The following TLN2 variants were observed in gnomAD, a reference collection of about 807,000 sequenced individuals.
TLN2 encodes talin-2.
TLN2 carries 118 observed loss-of-function variants against 294.7 expected under a neutral mutation model. The ratio of observed to expected loss-of-function variants is 0.40; its 90% confidence interval spans 0.34 to 0.47. The LOEUF is 0.47. TLN2 is among the 20% of genes least tolerant of loss of function. The pLI is 0.84. For synonymous variants in TLN2, 1,431 were observed against 1,304.5 expected (o/e 1.10, Z -2.09); for missense variants, 3,083 against 3,282.2 (o/e 0.94, Z 1.48).
chr15:62,797,672 G>A (rs185711261), intron 48 of TLN2, among the ~76,000 whole-genome samples: 33 of 152,320 alleles, frequency 2.2e-4, no homozygotes, highest in African/African-American at 7.5e-4. Flanking sequence ...GCTGGAGCAC[G>A]GCATACCTGA....
rs572810569 is a variant in TLN2, at chr15:62,467,109, A to G, written c.-238+76424A>G. Among the ~76,000 whole-genome samples the G allele has an allele frequency of 2.6e-4, 40 of 152,330 alleles. 1 individual carries two copies. The South Asian group carries it at 7.3e-3, about 28-fold the overall frequency. ...TGACCATTGCCTTATGAGTTACGGA[A>G]TGGCTGTGGGTGCCTGTGAACTGGA... On this transcript the variant is annotated intron_variant, in intron 1 of 58. Coordinates refer to ENST00000636159, the MANE Select transcript of TLN2 (RefSeq NM_015059.3).
Position 62,712,150 on chromosome 15 carries a change from T to C in TLN2, c.2634+73T>C. 1.9e-6 allele frequency: 3 copies of C among 1,550,914 alleles called. No homozygotes were observed. In the East Asian group the frequency reaches 6.8e-5, roughly 35 times the overall value. ...TAGGATTTGGAAGGTACTTTCCAGA[T>C]GGGGCATGGTCATCCGAGTGTGCAT... is the stretch of plus-strand genomic sequence containing the variant. On this transcript the variant is annotated intron_variant, in intron 22 of 58. Coordinates refer to ENST00000636159, the MANE Select transcript of TLN2 (RefSeq NM_015059.3).
intron 1 of TLN2, among the ~76,000 whole-genome samples, chr15:62,568,148 T>A (rs1453124278): frequency 6.6e-6 from 1 of 151,778 alleles, no homozygotes; most frequent in Non-Finnish European, 1.5e-5. Context: ...GCATGGAGTG[T>A]GGCTTGGGCA....
intron 1 of TLN2, among the ~76,000 whole-genome samples, chr15:62,541,462 G>A (rs7167098): frequency 0.068 from 10,343 of 152,142 alleles, 697 homozygotes; most frequent in African/African-American, 0.18. Flanking sequence ...TTTTGACCCT[G>A]GATGGTGCTC....
chr15:62,797,407 C>G lies in TLN2; in HGVS notation c.6234+5C>G. ...TCCGACGACCCCGAGACCCAGGTACCAGCAGGGCCTGGGGAGTGCGTCCTC... is the reference window on the plus strand; with the variant it reads ...TCCGACGACCCCGAGACCCAGGTACGAGCAGGGCCTGGGGAGTGCGTCCTC... On this transcript the variant is annotated splice_donor_5th_base_variant and intron_variant, in intron 48 of 58. Transcript: ENST00000636159. 2 of 1,596,928 alleles carry G rather than the reference C, an allele frequency of 1.3e-6. No homozygotes were observed. Among genetic ancestry groups the G allele is most frequent in the Non-Finnish European group, 1.7e-6 (2 of 1,174,338 alleles).
At chr15:62,626,033 A>C (rs1412523799) in intron 3 of TLN2, among the ~76,000 whole-genome samples, 1 of 152,226 alleles carries the variant, frequency 6.6e-6, no homozygotes. Context: ...AGTTTGAGAG[A>C]GTCTTCCTAT....
chr15:62,792,712 G>A lies in TLN2; in HGVS notation c.5808G>A (p.Gly1936=). 6.2e-7 allele frequency: 1 copy of A among 1,614,064 alleles called. No homozygotes were observed. The highest frequency in any genetic ancestry group is 8.5e-7 in the Non-Finnish European group (1 of 1,180,050). The change falls in exon 46 of 59, where the codon GGG becomes GGA. Residue 1936 remains glycine (G), a synonymous_variant. Transcript: ENST00000636159. Reference sequence around the variant, plus strand: ...GTATCTTCCTGGTGCAGAAGGCAGGGGCCCTCCAGGTCTGCCCCACAGACA... The same window carrying A: ...GTATCTTCCTGGTGCAGAAGGCAGGAGCCCTCCAGGTCTGCCCCACAGACA... ...HGCIFLVQKA[G]ALQVCPTDSY...
At chr15:62,666,639 C>T (rs541824186) in intron 9 of TLN2, among the ~76,000 whole-genome samples, 1 of 152,230 alleles carries the variant, frequency 6.6e-6, no homozygotes, top group Non-Finnish European at 1.5e-5. Flanking sequence ...AACTGACTAA[C>T]AAGCTGTTTT....
At chr15:62,792,539 C>A in intron 45 of TLN2, 102 bp from the exon 46 acceptor site, 1 of 1,465,980 alleles carries the variant, frequency 6.8e-7, no homozygotes, top group Non-Finnish European at 9.1e-7. Flanking sequence ...ATTTTCCTAG[C>A]CAGGCTCCCA....
At chr15:62,715,713 T>C (rs2059725829) in intron 22 of TLN2, among the ~76,000 whole-genome samples, 1 of 152,238 alleles carries the variant, frequency 6.6e-6, no homozygotes, top group Admixed American at 6.5e-5. Context: ...TCTCATTAAT[T>C]CAGTACATTT....
At chr15:62,604,625 G>T (rs2047275011) in intron 2 of TLN2, among the ~76,000 whole-genome samples, 1 of 151,122 alleles carries the variant, frequency 6.6e-6, no homozygotes, top group African/African-American at 2.4e-5. Context: ...TCAGGAGGGT[G>T]TTGGTGGTTG....
chr15:62,410,716 C>T (rs369099353), intron 1 of TLN2, among the ~76,000 whole-genome samples: 11 of 152,338 alleles, frequency 7.2e-5, no homozygotes, highest in Admixed American at 2.6e-4. Flanking sequence ...CTTAGAACCA[C>T]ATCTGGCACA....
intron 11 of TLN2, among the ~76,000 whole-genome samples, chr15:62,678,760 G>A (rs2056502197): frequency 6.6e-6 from 1 of 152,200 alleles, no homozygotes; most frequent in Non-Finnish European, 1.5e-5. Flanking sequence ...GAACCTGGGA[G>A]GCAGAGGTTG....
At chr15:62,791,074 A>G (rs987788095) in intron 45 of TLN2, among the ~76,000 whole-genome samples, 16 of 152,194 alleles carry the variant, frequency 1.1e-4, no homozygotes, top group Non-Finnish European at 8.8e-5. Flanking sequence ...CACACCTGTA[A>G]TCTCAGCACT....
Position 62,805,752 on chromosome 15 carries a change from G to C in TLN2, c.6630G>C (p.Arg2210=), listed in dbSNP as rs376814318. ...EDVIATANLS[R]KAVSDMLTAC... is the part of the protein sequence containing the mutation. ...TGATTGCTACTGCCAACCTGAGCCGGAAAGCCGTGTCAGATATGTTGACGG... is the reference window on the plus strand; with the variant it reads ...TGATTGCTACTGCCAACCTGAGCCGCAAAGCCGTGTCAGATATGTTGACGG... The change falls in exon 51 of 59, where the codon CGG becomes CGC. Residue 2210 remains arginine (R), a synonymous_variant. Coordinates refer to ENST00000636159, the MANE Select transcript of TLN2 (RefSeq NM_015059.3). 1.9e-6 allele frequency: 3 copies of C among 1,613,960 alleles called. No homozygotes were observed. In the African/African-American group the frequency reaches 4.0e-5, roughly 22 times the overall value.
intron 1 of TLN2, among the ~76,000 whole-genome samples, chr15:62,492,881 A>T (rs1426621309): frequency 1.3e-5 from 2 of 152,176 alleles, no homozygotes; most frequent in African/African-American, 4.8e-5. Flanking sequence ...ATAGTCCTTG[A>T]AAGAGGATTT....
intron 1 of TLN2, among the ~76,000 whole-genome samples, chr15:62,545,335 A>G (rs1183042797): frequency 6.6e-6 from 1 of 152,224 alleles, no homozygotes; most frequent in Non-Finnish European, 1.5e-5. Flanking sequence ...TGTTGCAATA[A>G]CAAGGCACTG....
intron 22 of TLN2, among the ~76,000 whole-genome samples, chr15:62,713,917 C>CATATATA (rs2059593637): frequency 8.2e-6 from 1 of 122,642 alleles, no homozygotes; most frequent in Non-Finnish European, 1.7e-5. Flanking sequence ...TATATATATG[C>CATATATA]TGTGTGTGTG....
intron 9 of TLN2, among the ~76,000 whole-genome samples, chr15:62,669,008 T>C (rs907329339): frequency 1.3e-5 from 2 of 152,236 alleles, no homozygotes; most frequent in African/African-American, 2.4e-5. Context: ...CCAAGGTTTT[T>C]TCTTGTGTGC....
Sources: gnomAD v4.1 joint callset for allele counts (sites outside exome capture counted in the v4.1 genomes callset) on GRCh38, gnomAD v4.1.1 for gene constraint, MANE v1.5 for transcripts, NCBI Gene and HGNC (gene_info 2026-07-23, HGNC 2026-07-21) for gene names.